Variants in CDK14 observed in about 807,000 individuals in gnomAD.
CDK14 encodes cyclin dependent kinase 14, also known as cyclin-dependent kinase 14.
A neutral mutation model predicts 60.7 loss-of-function variants in CDK14; 34 were observed. The ratio of observed to expected loss-of-function variants is 0.56; its 90% CI spans 0.43 to 0.75. The LOEUF is 0.75. Among genes scored for constraint, CDK14 ranks in the 30% least tolerant of loss-of-function variants. CDK14 has a pLI of 0.00. For synonymous variants in CDK14, 197 were observed against 203.7 expected (o/e 0.97, Z 0.28); for missense variants, 482 against 564.1 (o/e 0.85, Z 1.47).
At chr7:91,109,893 T>C (rs559419234) in intron 12 of CDK14, among the ~76,000 whole-genome samples, 45 of 152,150 alleles carry the variant, frequency 3.0e-4, no homozygotes, top group African/African-American at 9.9e-4. Context: ...AAAGACTGAA[T>C]TTACCAAGAA....
intron 6 of CDK14, among the ~76,000 whole-genome samples, chr7:90,895,358 CA>C: frequency 8.8e-5 from 3 of 34,144 alleles, no homozygotes; most frequent in Admixed American, 3.0e-4. Context: ...CTCCTCTCCT[CA>C]CCTCTCCTCC....
intron 2 of CDK14, among the ~76,000 whole-genome samples, chr7:90,696,801 T>A (rs1035221767): frequency 5.9e-5 from 9 of 152,064 alleles, no homozygotes; most frequent in African/African-American, 1.9e-4. Context: ...CTGGGACACA[T>A]GTCTTTATAG....
At chr7:90,798,275 T>A (rs1788513647) in intron 5 of CDK14, among the ~76,000 whole-genome samples, 1 of 150,416 alleles carries the variant, frequency 6.6e-6, no homozygotes, top group African/African-American at 2.5e-5. Context: ...TTTTCTTGCC[T>A]TCTCATTCTG....
At chr7:90,868,535 A>C (rs552927539) in intron 6 of CDK14, among the ~76,000 whole-genome samples, 1 of 152,242 alleles carries the variant, frequency 6.6e-6, no homozygotes, top group East Asian at 1.9e-4. Flanking sequence ...ATTGTTAGGG[A>C]TAATCATTTT....
intron 5 of CDK14, among the ~76,000 whole-genome samples, chr7:90,829,624 C>A (rs1210903726): frequency 6.6e-6 from 1 of 152,080 alleles, no homozygotes; most frequent in East Asian, 1.9e-4. Context: ...CTCCGCCCCC[C>A]CAGGTTCAAG....
intron 12 of CDK14, among the ~76,000 whole-genome samples, chr7:91,088,014 T>C (rs1798688513): frequency 6.6e-6 from 1 of 152,220 alleles, no homozygotes; most frequent in African/African-American, 2.4e-5. Flanking sequence ...TGTTACCAAG[T>C]TCAAATGTCT....
chr7:90,611,793 C>T (rs6943415), intron 2 of CDK14, among the ~76,000 whole-genome samples: 16,412 of 151,132 alleles, frequency 0.11, 1,087 homozygotes, highest in Middle Eastern at 0.16. Context: ...CTATCTCTTT[C>T]GTACCTTTTG....
intron 8 of CDK14, among the ~76,000 whole-genome samples, chr7:90,946,175 T>G (rs900650193): frequency 2.0e-5 from 3 of 152,240 alleles, no homozygotes; most frequent in Non-Finnish European, 4.4e-5. Context: ...CTTGCCTGAA[T>G]GAAAGCTCTG....
intron 6 of CDK14, among the ~76,000 whole-genome samples, chr7:90,882,909 A>G (rs898396092): frequency 6.6e-5 from 10 of 152,198 alleles, no homozygotes; most frequent in Non-Finnish European, 1.5e-4. Context: ...ACAAAGAAAC[A>G]ATGTACCAGA....
In CDK14 at chr7:91,104,079, TAA is replaced by T. The variant is rs376034430; in HGVS notation, c.1155-8460_1155-8459del. On this transcript the variant is annotated intron_variant, in intron 12 of 14. Coordinates refer to ENST00000380050, the MANE Select transcript of CDK14 (RefSeq NM_001287135.2). ...ATTTTAAAATTCCTTAGTTTTTTTT[TAA>T]AAGAGTTTCCATGAACAACAAACAT... Among the ~76,000 whole-genome samples, 224 of 152,320 alleles carry T rather than the reference TAA, an allele frequency of 1.5e-3. 1 individual carries two copies. Among genetic ancestry groups the T allele is most frequent in the African/African-American group, 5.1e-3 (213 of 41,568 alleles).
rs181237281 is a variant in CDK14 at position 91,036,089 on chromosome 7, C to T, written c.1042-9808C>T. Among the ~76,000 whole-genome samples, 829 of 152,222 alleles carry T rather than the reference C, an allele frequency of 5.4e-3. 14 individuals carry two copies. Among genetic ancestry groups the T allele is most frequent in the Admixed American group, 0.04 (608 of 15,292 alleles). On this transcript the variant is annotated intron_variant, in intron 10 of 14. Coordinates refer to ENST00000380050, the MANE Select transcript of CDK14 (RefSeq NM_001287135.2). ...CGATCTCCTGACCTCGTGATCCACC[C>T]GCCTCGGCCTCCCAAAGTGCTGGGA...
chr7:90,749,995 A>G (rs930425337), intron 4 of CDK14, among the ~76,000 whole-genome samples: 4 of 152,290 alleles, frequency 2.6e-5, no homozygotes, highest in Middle Eastern at 6.8e-3. Context: ...GTTCTTACTG[A>G]TAAGTGCCAT....
At chr7:90,812,361 G>C (rs577553570) in intron 5 of CDK14, among the ~76,000 whole-genome samples, 1 of 152,084 alleles carries the variant, frequency 6.6e-6, no homozygotes, top group East Asian at 1.9e-4. Flanking sequence ...GCAAACTATC[G>C]CAAGGACAAA....
chr7:90,845,497 C>CTT (rs578062652), intron 5 of CDK14, among the ~76,000 whole-genome samples: 1 of 138,398 alleles, frequency 7.2e-6, no homozygotes, highest in East Asian at 2.1e-4. Context: ...TTTTGGTTTT[C>CTT]TTTTTTTTTT....
chr7:90,819,645 G>A (rs1015512097), intron 5 of CDK14, among the ~76,000 whole-genome samples: 10 of 152,106 alleles, frequency 6.6e-5, no homozygotes, highest in Non-Finnish European at 1.5e-4. Flanking sequence ...CATGTAAAAT[G>A]CATATATTAA....
At chr7:90,723,289 A>C (rs949449590) in intron 2 of CDK14, among the ~76,000 whole-genome samples, 8 of 152,328 alleles carry the variant, frequency 5.3e-5, no homozygotes, top group African/African-American at 1.9e-4. Context: ...ATACATTTTT[A>C]AAAAATCTTA....
At chr7:90,697,414 T>A (rs1801682485) in intron 2 of CDK14, among the ~76,000 whole-genome samples, 1 of 152,156 alleles carries the variant, frequency 6.6e-6, no homozygotes, top group Admixed American at 6.5e-5. Flanking sequence ...CAGCCTTGTC[T>A]TGAACTCCTG....
intron 14 of CDK14, among the ~76,000 whole-genome samples, chr7:91,159,116 A>G (rs1245403261): frequency 6.6e-6 from 1 of 152,232 alleles, no homozygotes; most frequent in African/African-American, 2.4e-5. Flanking sequence ...GTTTGGGCAA[A>G]TATTTTCTGG....
chr7:90,635,009 G>A (rs1042917461), intron 2 of CDK14, among the ~76,000 whole-genome samples: 10 of 152,172 alleles, frequency 6.6e-5, no homozygotes, highest in African/African-American at 9.7e-5. Context: ...ATGTGTTGGA[G>A]TTCATTGTAG....
Sources: allele counts gnomAD v4.1 joint callset (sites outside exome capture counted in the v4.1 genomes callset), GRCh38; gene constraint gnomAD v4.1.1; transcripts MANE v1.5; gene names NCBI Gene and HGNC (gene_info 2026-07-23, HGNC 2026-07-21).